Variants in PLD5 observed in about 807,000 individuals in gnomAD.
PLD5 encodes the protein inactive phospholipase D5.
PLD5 carries 36 observed loss-of-function variants against 61.1 expected under a neutral mutation model. The observed-to-expected ratio is 0.59, with a 90% CI of 0.45 to 0.78. The LOEUF is 0.78. Ranked by LOEUF, PLD5 falls within the 30% of genes least tolerant of loss-of-function variation. The pLI, the probability that PLD5 is intolerant of heterozygous loss-of-function variation, is 0.00. For missense variants in PLD5, 515 were observed against 644.4 expected (o/e 0.80, Z 2.17); for synonymous variants, 243 against 242.8 (o/e 1.00, Z -0.01).
chr1:242,104,885 A>G (rs13374467), intron 8 of PLD5, among the ~76,000 whole-genome samples: 32,970 of 152,198 alleles, frequency 0.22, 3,724 homozygotes, highest in South Asian at 0.29. Flanking sequence ...AACTGTATAT[A>G]CTCATGAATA....
chr1:242,187,882 C>A (rs573920231), intron 5 of PLD5, among the ~76,000 whole-genome samples: 1 of 152,156 alleles, frequency 6.6e-6, no homozygotes, highest in South Asian at 2.1e-4. Context: ...GTGTACGGGG[C>A]CACAAAAGTT....
intron 5 of PLD5, among the ~76,000 whole-genome samples, chr1:242,143,916 A>G (rs1258785092): frequency 6.6e-6 from 1 of 151,058 alleles, no homozygotes; most frequent in African/African-American, 2.4e-5. Flanking sequence ...ATCTTGGCTC[A>G]CTACAACCTC....
At chr1:242,236,103 A>AC (rs754103712) in intron 4 of PLD5, among the ~76,000 whole-genome samples, 39 of 151,996 alleles carry the variant, frequency 2.6e-4, no homozygotes, top group Non-Finnish European at 5.1e-4. Flanking sequence ...CCCCAGAGAG[A>AC]CCCCCAATTC....
intron 7 of PLD5, among the ~76,000 whole-genome samples, chr1:242,113,285 G>A (rs1157911607): frequency 6.6e-6 from 1 of 151,870 alleles, no homozygotes; most frequent in Admixed American, 6.6e-5. Context: ...AGTGGAGACG[G>A]GGTTTCACCA....
At chr1:242,177,209 T>C (rs1301922748) in intron 5 of PLD5, among the ~76,000 whole-genome samples, 4 of 152,202 alleles carry the variant, frequency 2.6e-5, no homozygotes, top group Non-Finnish European at 5.9e-5. Context: ...ATGTGGCACA[T>C]ATATACCATG....
At chr1:242,439,255 G>A (rs1010904443) in intron 1 of PLD5, among the ~76,000 whole-genome samples, 5 of 152,218 alleles carry the variant, frequency 3.3e-5, no homozygotes, top group African/African-American at 1.2e-4. Flanking sequence ...AGCCGGGGAA[G>A]GGGGCTTTGT....
chr1:242,237,321 A>T (rs976153069), intron 4 of PLD5, among the ~76,000 whole-genome samples: 7 of 151,860 alleles, frequency 4.6e-5, no homozygotes, highest in African/African-American at 1.5e-4. Flanking sequence ...AGTTAAGAAA[A>T]AAAAAACACT....
upstream of PLD5, chr1:242,524,737 G>A (rs1447735138): frequency 1.4e-5 from 2 of 147,504 alleles, no homozygotes; most frequent in Non-Finnish European, 3.0e-5. Flanking sequence ...CGGCGGCGGG[G>A]GTGGGGTGCG....
At chr1:242,253,352 G>A (rs1159752966) in intron 4 of PLD5, among the ~76,000 whole-genome samples, 22 of 121,912 alleles carry the variant, frequency 1.8e-4, no homozygotes, top group Non-Finnish European at 2.6e-4. Flanking sequence ...TCGCTCTGTC[G>A]CCCAGGCTGG....
At chr1:242,183,221 G>T (rs1007406432) in intron 5 of PLD5, among the ~76,000 whole-genome samples, 3 of 152,176 alleles carry the variant, frequency 2.0e-5, no homozygotes, top group African/African-American at 7.2e-5. Flanking sequence ...TATTGCTGGT[G>T]ATAAATGGTA....
intron 1 of PLD5, among the ~76,000 whole-genome samples, chr1:242,429,801 G>A (rs1179648726): frequency 1.3e-5 from 2 of 152,134 alleles, no homozygotes; most frequent in Admixed American, 6.5e-5. Flanking sequence ...GGATTATAAC[G>A]TTCATTGACT....
At chr1:242,510,652 TG>T (rs1353444259) in intron 1 of PLD5, among the ~76,000 whole-genome samples, 1 of 152,058 alleles carries the variant, frequency 6.6e-6, no homozygotes, top group African/African-American at 2.4e-5. Flanking sequence ...GAGACCATTC[TG>T]GATAACACGG....
chr1:242,224,970 C>T (rs917828610), intron 4 of PLD5, among the ~76,000 whole-genome samples: 2 of 152,198 alleles, frequency 1.3e-5, no homozygotes, highest in African/African-American at 2.4e-5. Context: ...GTATCTTCCT[C>T]TTCAAACCCC....
intron 1 of PLD5, 122 bp from the exon 2 acceptor site, chr1:242,348,364 G>C: frequency 9.1e-7 from 1 of 1,103,688 alleles, no homozygotes; most frequent in Non-Finnish European, 1.3e-6. Context: ...TCACTGCCTA[G>C]AAGGGAAATC....
intron 1 of PLD5, among the ~76,000 whole-genome samples, chr1:242,423,974 C>G (rs1665283302): frequency 7.0e-6 from 1 of 143,078 alleles, no homozygotes; most frequent in Non-Finnish European, 1.5e-5. Flanking sequence ...TCAGATGAAA[C>G]TGATGCCAAC....
At chr1:242,460,110 A>G (rs576556565) in intron 1 of PLD5, among the ~76,000 whole-genome samples, 12 of 152,300 alleles carry the variant, frequency 7.9e-5, no homozygotes, top group African/African-American at 2.6e-4. Flanking sequence ...GAAATTACTG[A>G]CACACACACT....
In PLD5 at chr1:242,102,092, T is replaced by A. The variant is rs182931881; in HGVS notation, c.1240-1310A>T. On this transcript the variant is annotated intron_variant, in intron 8 of 9. Coordinates refer to ENST00000536534, the MANE Select transcript of PLD5 (RefSeq NM_001372062.1). Reference sequence around the variant, plus strand: ...CCTGTGAATGTTCTTAAGTCACAGTTTTATGTTCATGAGGTCACATGAATG... The same window carrying A: ...CCTGTGAATGTTCTTAAGTCACAGTATTATGTTCATGAGGTCACATGAATG... Among the ~76,000 whole-genome samples the A allele has an allele frequency of 2.0e-5, 3 of 152,322 alleles. No individual in the cohort carries two copies. The East Asian group carries it at 5.8e-4, about 29-fold the overall frequency.
At chr1:242,227,530 A>G (rs1445638316) in intron 4 of PLD5, among the ~76,000 whole-genome samples, 3 of 151,620 alleles carry the variant, frequency 2.0e-5, no homozygotes, top group African/African-American at 7.3e-5. Context: ...ACATCCTGCT[A>G]ATTTTTATAT....
intron 4 of PLD5, chr1:242,235,379 C>T (rs1671570522): frequency 6.6e-6 from 1 of 152,210 alleles, no homozygotes; most frequent in Non-Finnish European, 1.5e-5. Context: ...GAATGTTCAA[C>T]TTTTAAAATT....
Sources: allele counts gnomAD v4.1 joint callset (sites outside exome capture counted in the v4.1 genomes callset), GRCh38; gene constraint gnomAD v4.1.1; transcripts MANE v1.5; gene names NCBI Gene and HGNC (gene_info 2026-07-23, HGNC 2026-07-21).